LARGE1: variants seen among roughly 807,000 people sequenced by gnomAD.
LARGE1 encodes the protein xylosyl- and glucuronyltransferase LARGE1.
Under a neutral mutation model 87.6 loss-of-function variants are expected in LARGE1, and 43 were observed. That is an observed-to-expected ratio of 0.49 (90% CI 0.38 to 0.63). LARGE1 has a LOEUF of 0.63. Among genes scored for constraint, LARGE1 ranks in the 30% least tolerant of loss-of-function variants. The pLI is 0.00. For missense variants in LARGE1, 802 were observed against 1,000.2 expected, an observed-to-expected ratio of 0.80 and a Z score of 2.67; for synonymous variants, 434 against 394.6, an observed-to-expected ratio of 1.10 and a Z score of -1.18.
At position 33,304,324 on chromosome 22, in the gene LARGE1, C is replaced by G. The variant is rs1934571689; in HGVS notation, c.1635G>C (p.Leu545=). 1 of 1,614,278 alleles carries G rather than the reference C, an allele frequency of 6.2e-7. No individual in the cohort carries two copies. The highest frequency in any genetic ancestry group is 1.3e-5 in the African/African-American group (1 of 75,074). ...YKEGQFYPVN[L]LRNVAMKHIS... is the part of the protein sequence containing the mutation. The stretch of plus-strand genomic sequence containing the variant: ...TGTGCTTCATGGCCACGTTGCGCAG[C>G]AGGTTCACGGGGTAGAACTGGCCCT... The change falls in exon 12 of 15, where the codon CTG becomes CTC. Residue 545 remains leucine (L), a synonymous_variant. Transcript: ENST00000397394.
In LARGE1 at chr22:33,769,830, G is replaced by A. The variant is rs138262771; in HGVS notation, c.-82-8272C>T. Among the ~76,000 whole-genome samples, 178 of 152,312 alleles carry A rather than the reference G, an allele frequency of 1.2e-3. 1 individual carries two copies. The highest frequency in any genetic ancestry group is 1.6e-3 in the Non-Finnish European group (112 of 68,036). ...GCCTCTGTCCTTCTGGCTTCCAGCT[G>A]TCTCTCCTGGATCCTCCTGCCACTC... is the stretch of plus-strand genomic sequence containing the variant. On this transcript the variant is annotated intron_variant, in intron 1 of 14. Coordinates refer to ENST00000397394, the MANE Select transcript of LARGE1 (RefSeq NM_133642.5).
chr22:33,315,277 A>T (rs1936026279), intron 11 of LARGE1, among the ~76,000 whole-genome samples: 1 of 152,206 alleles, frequency 6.6e-6, no homozygotes. Context: ...CTGGATGTGA[A>T]CGTGTTATAC....
chr22:33,779,781 T>C (rs963863372), intron 1 of LARGE1, among the ~76,000 whole-genome samples: 1 of 151,780 alleles, frequency 6.6e-6, no homozygotes, highest in Non-Finnish European at 1.5e-5. Flanking sequence ...AGCAAAACTC[T>C]TGTTTCAAAA....
chr22:33,763,494 A>C (rs2084800049), intron 1 of LARGE1, among the ~76,000 whole-genome samples: 1 of 152,216 alleles, frequency 6.6e-6, no homozygotes, highest in Non-Finnish European at 1.5e-5. Flanking sequence ...CATGGAAAAC[A>C]AACCCTACGT....
At chr22:33,467,060 C>T (rs1400369049) in intron 6 of LARGE1, among the ~76,000 whole-genome samples, 3 of 152,100 alleles carry the variant, frequency 2.0e-5, no homozygotes, top group Admixed American at 2.0e-4. Flanking sequence ...AGTCTGTTCT[C>T]TCATGTTGAT....
At chr22:33,786,147 C>T (rs1206318256) in intron 1 of LARGE1, among the ~76,000 whole-genome samples, 3 of 152,216 alleles carry the variant, frequency 2.0e-5, no homozygotes, top group East Asian at 3.9e-4. Flanking sequence ...ATAAGTAGGG[C>T]ACAGTATTCA....
At chr22:33,776,989 A>T (rs995667417) in intron 1 of LARGE1, among the ~76,000 whole-genome samples, 1 of 152,118 alleles carries the variant, frequency 6.6e-6, no homozygotes, top group Non-Finnish European at 1.5e-5. Flanking sequence ...GCCTCAAGAG[A>T]GTGTACAGGA....
chr22:33,773,397 A>G (rs1238089737), intron 1 of LARGE1, among the ~76,000 whole-genome samples: 1 of 152,210 alleles, frequency 6.6e-6, no homozygotes, highest in African/African-American at 2.4e-5. Flanking sequence ...GTTTGTCTTG[A>G]TCCTGCTGCG....
At chr22:33,345,208 C>T (rs886081495) in intron 9 of LARGE1, among the ~76,000 whole-genome samples, 3 of 152,132 alleles carry the variant, frequency 2.0e-5, no homozygotes, top group Admixed American at 2.0e-4. Flanking sequence ...ACAAGTGATG[C>T]TCTTACTATG....
intron 6 of LARGE1, among the ~76,000 whole-genome samples, chr22:33,486,875 T>C (rs1482335764): frequency 6.6e-6 from 1 of 152,194 alleles, no homozygotes; most frequent in Non-Finnish European, 1.5e-5. Flanking sequence ...AATCTGAGGC[T>C]GAAACTTCTG....
chr22:33,432,479 T>A (rs530082703), intron 6 of LARGE1, among the ~76,000 whole-genome samples: 2 of 152,324 alleles, frequency 1.3e-5, no homozygotes, highest in East Asian at 3.9e-4. Flanking sequence ...TATTTCCATT[T>A]TATAGAGAAG....
chr22:33,492,909 G>A (rs1313009276), intron 6 of LARGE1, among the ~76,000 whole-genome samples: 1 of 152,118 alleles, frequency 6.6e-6, no homozygotes, highest in East Asian at 1.9e-4. Context: ...GCGGGCGGCG[G>A]GTGGGCAATG....
intron 1 of LARGE1, among the ~76,000 whole-genome samples, chr22:33,834,389 T>C (rs2146356729): frequency 6.6e-6 from 1 of 152,266 alleles, no homozygotes; most frequent in East Asian, 1.9e-4. Flanking sequence ...GAAGTGAAAA[T>C]GGCAGGTTCC....
At chr22:33,226,696 G>A (rs1474497544) in intron 11 of LARGE1, among the ~76,000 whole-genome samples, 2 of 151,480 alleles carry the variant, frequency 1.3e-5, no homozygotes, top group Non-Finnish European at 2.9e-5. Context: ...CTATGATGAA[G>A]ATAACCTTTA....
chr22:33,766,342 T>G (rs1297862252), intron 1 of LARGE1, among the ~76,000 whole-genome samples: 2 of 152,144 alleles, frequency 1.3e-5, no homozygotes, highest in African/African-American at 2.4e-5. Flanking sequence ...AAACATGTAC[T>G]CCATCTGTCG....
intron 7 of LARGE1, among the ~76,000 whole-genome samples, chr22:33,419,565 ACT>A (rs2066619534): frequency 6.6e-6 from 1 of 151,724 alleles, no homozygotes; most frequent in Non-Finnish European, 1.5e-5. Context: ...CTTCTCAGAG[ACT>A]CTACCCAAAG....
intron 9 of LARGE1, among the ~76,000 whole-genome samples, chr22:33,359,272 ATC>A (rs1295636413): frequency 2.0e-5 from 3 of 152,170 alleles, no homozygotes; most frequent in Non-Finnish European, 4.4e-5. Context: ...GTGAGTTGGA[ATC>A]TCAGCTCTGT....
intron 6 of LARGE1, among the ~76,000 whole-genome samples, chr22:33,463,800 G>A (rs1039329875): frequency 2.0e-5 from 3 of 152,048 alleles, no homozygotes; most frequent in African/African-American, 7.2e-5. Flanking sequence ...AGCCTCCCTA[G>A]TAGCTAGGAT....
At chr22:33,736,031 A>G (rs2083644016) in intron 2 of LARGE1, among the ~76,000 whole-genome samples, 1 of 152,202 alleles carries the variant, frequency 6.6e-6, no homozygotes, top group Non-Finnish European at 1.5e-5. Context: ...TTGTTTATCC[A>G]TTTATTAACT....
Sources: allele counts gnomAD v4.1 joint callset (sites outside exome capture counted in the v4.1 genomes callset), GRCh38; gene constraint gnomAD v4.1.1; transcripts MANE v1.5; gene names NCBI Gene and HGNC (gene_info 2026-07-23, HGNC 2026-07-21).